SMOC2: variants seen among roughly 807,000 people sequenced by gnomAD.
SMOC2 encodes SPARC related modular calcium binding 2.
SMOC2 carries 39 observed loss-of-function variants against 61.4 expected under a neutral mutation model. The ratio of observed to expected loss-of-function variants is 0.64; its 90% CI spans 0.49 to 0.83. The LOEUF (loss-of-function observed/expected upper bound fraction) is 0.83, where lower values mean the gene tolerates loss of function less well. SMOC2 is among the 40% of genes least tolerant of loss of function. SMOC2 has a pLI of 0.00. For missense variants in SMOC2, 556 were observed against 592.9 expected (o/e 0.94, Z 0.65); for synonymous variants, 247 against 239.9 (o/e 1.03, Z -0.27).
At chr6:168,485,018 A>T (rs1782298112) in intron 1 of SMOC2, among the ~76,000 whole-genome samples, 1 of 152,216 alleles carries the variant, frequency 6.6e-6, no homozygotes, top group African/African-American at 2.4e-5. Context: ...CTGGAGACAG[A>T]TGGTGGTGAT....
chr6:168,618,810 G>C (rs1287458622), intron 9 of SMOC2, among the ~76,000 whole-genome samples: 1 of 152,098 alleles, frequency 6.6e-6, no homozygotes, highest in African/African-American at 2.4e-5. Context: ...ATGGGCTCTC[G>C]ACGCAGCAGG....
intron 4 of SMOC2, among the ~76,000 whole-genome samples, chr6:168,532,682 A>G (rs897475283): frequency 6.6e-5 from 10 of 152,236 alleles, no homozygotes; most frequent in Admixed American, 1.3e-4. Context: ...TTAATATTAC[A>G]ATATTCAAAG....
Position 168,547,155 on chromosome 6 carries a change from AAGG to A in SMOC2, c.551_553del (p.Gly184del). 6.2e-7 allele frequency: 1 copy of A among 1,614,038 alleles called. No individual in the cohort carries two copies. Among genetic ancestry groups the A allele is most frequent in the Non-Finnish European group, 8.5e-7 (1 of 1,179,996 alleles). On this transcript the variant is annotated inframe_deletion, in exon 6 of 13. Coordinates refer to ENST00000356284, the MANE Select transcript of SMOC2 (RefSeq NM_001166412.2). ...GCTCCAGCGTTGGAGACTCAGCCTC[AAGG>A]AGATGAAGAAGGTGAGCCGGGGTGG...
At chr6:168,469,592 C>T (rs1488879849) in intron 1 of SMOC2, among the ~76,000 whole-genome samples, 4 of 152,216 alleles carry the variant, frequency 2.6e-5, no homozygotes, top group Non-Finnish European at 4.4e-5. Context: ...AATCATCGTG[C>T]AAACCCAGGC....
rs561627567 is a variant in SMOC2 at position 168,535,719 on chromosome 6, C to T, written c.464-7906C>T. On this transcript the variant is annotated intron_variant, in intron 4 of 12. Transcript: ENST00000356284. The surrounding 1 kb of genome is among the most constrained non-coding windows in gnomAD (Gnocchi z 4.6). Reference sequence around the variant, plus strand: ...TTGGTTTCTTCATCCACAGAAACACCGAAGTGGCAAAACTGAGGTTGAGCT... The same window carrying T: ...TTGGTTTCTTCATCCACAGAAACACTGAAGTGGCAAAACTGAGGTTGAGCT... Among the ~76,000 whole-genome samples, 5 of 152,268 alleles carry T rather than the reference C, an allele frequency of 3.3e-5. No homozygotes were observed. Among genetic ancestry groups the T allele is most frequent in the Middle Eastern group, 3.4e-3 (1 of 294 alleles).
At chr6:168,613,391 G>A (rs1211767300) in intron 9 of SMOC2, among the ~76,000 whole-genome samples, 4 of 152,154 alleles carry the variant, frequency 2.6e-5, no homozygotes, top group Admixed American at 6.5e-5. Context: ...GCCCCTTGGG[G>A]AGCCTGGGCA....
intron 7 of SMOC2, among the ~76,000 whole-genome samples, chr6:168,592,296 C>G (rs1353501435): frequency 1.4e-5 from 2 of 148,130 alleles, no homozygotes; most frequent in East Asian, 3.9e-4. Context: ...CGTGGAGCTC[C>G]TCCTCCTCCC....
At chr6:168,625,689 C>T (rs992330124) in intron 9 of SMOC2, among the ~76,000 whole-genome samples, 5 of 152,160 alleles carry the variant, frequency 3.3e-5, no homozygotes, top group African/African-American at 7.2e-5. Context: ...ACAGCCAAGC[C>T]GAGCCAAGTG....
intron 1 of SMOC2, among the ~76,000 whole-genome samples, chr6:168,496,738 G>C (rs1045560752): frequency 1.3e-5 from 2 of 152,252 alleles, no homozygotes; most frequent in African/African-American, 4.8e-5. Context: ...CCATCTCCAA[G>C]ATTGCACTGT....
chr6:168,568,099 C>A (rs1349794254), intron 7 of SMOC2, among the ~76,000 whole-genome samples: 1 of 150,802 alleles, frequency 6.6e-6, no homozygotes, highest in East Asian at 2.0e-4. Context: ...GAATTTAGTG[C>A]ATCTTCTCTT....
intron 9 of SMOC2, among the ~76,000 whole-genome samples, chr6:168,637,001 C>G (rs924977576): frequency 6.7e-6 from 1 of 149,168 alleles, no homozygotes; most frequent in Non-Finnish European, 1.5e-5. Context: ...CCGCCTCCCT[C>G]ACTCATTCCA....
chr6:168,479,186 G>C (rs990728694), intron 1 of SMOC2, among the ~76,000 whole-genome samples: 2 of 152,074 alleles, frequency 1.3e-5, no homozygotes, highest in African/African-American at 4.8e-5. Context: ...CAGTAACGTT[G>C]AATGATTTAT....
chr6:168,666,194 G>A (rs1040264341), intron 12 of SMOC2, among the ~76,000 whole-genome samples: 1 of 151,972 alleles, frequency 6.6e-6, no homozygotes, highest in East Asian at 1.9e-4. Flanking sequence ...TTACTTTTTT[G>A]AAACGATATA....
At chr6:168,550,275 CA>C (rs1161517570) in intron 7 of SMOC2, among the ~76,000 whole-genome samples, 7 of 152,182 alleles carry the variant, frequency 4.6e-5, no homozygotes, top group Non-Finnish European at 1.0e-4. Context: ...CAAACATTCA[CA>C]GAGGCTGCTT....
intron 1 of SMOC2, among the ~76,000 whole-genome samples, chr6:168,478,068 T>C (rs1006964030): frequency 6.6e-6 from 1 of 152,182 alleles, no homozygotes; most frequent in Non-Finnish European, 1.5e-5. Context: ...AGGCATGCCA[T>C]GCTCTGACAG....
chr6:168,503,025 C>G (rs1204041851), intron 1 of SMOC2, among the ~76,000 whole-genome samples: 1 of 148,544 alleles, frequency 6.7e-6, no homozygotes, highest in Non-Finnish European at 1.5e-5. Flanking sequence ...CTTGGCCTCC[C>G]AAAGTGCTGG....
At chr6:168,626,686 G>A (rs1002843478) in intron 9 of SMOC2, among the ~76,000 whole-genome samples, 3 of 152,222 alleles carry the variant, frequency 2.0e-5, no homozygotes, top group African/African-American at 7.2e-5. Flanking sequence ...AAAAGTGCGT[G>A]GCAACTTAAC....
intron 1 of SMOC2, among the ~76,000 whole-genome samples, chr6:168,442,702 ATCTTT>A (rs1781243348): frequency 6.6e-6 from 1 of 152,200 alleles, no homozygotes; most frequent in South Asian, 2.1e-4. Context: ...TCATGTGGGC[ATCTTT>A]TCTTTTTCTT....
At chr6:168,523,489 G>GT (rs758213751) in intron 2 of SMOC2, among the ~76,000 whole-genome samples, 2 of 151,396 alleles carry the variant, frequency 1.3e-5, no homozygotes, top group Non-Finnish European at 2.9e-5. Flanking sequence ...CCAGGTTCAA[G>GT]TGATTCTCCT....
Sources: gnomAD v4.1 joint callset for allele counts (sites outside exome capture counted in the v4.1 genomes callset) on GRCh38, gnomAD v4.1.1 for gene constraint, Gnocchi (gnomAD v3.1) non-coding constraint, MANE v1.5 for transcripts, NCBI Gene and HGNC (gene_info 2026-07-23, HGNC 2026-07-21) for gene names.